ACVR1: variants seen among roughly 807,000 people sequenced by gnomAD.
ACVR1 encodes activin receptor type-1.
Under a neutral mutation model 57.1 loss-of-function variants are expected in ACVR1, and 38 were observed. The ratio of observed to expected loss-of-function variants is 0.67; its 90% CI spans 0.51 to 0.87. ACVR1 has a LOEUF of 0.87. Ranked by LOEUF, ACVR1 falls within the 40% of genes least tolerant of loss-of-function variation. The pLI is 0.00. For synonymous variants in ACVR1, 212 were observed against 228.1 expected (o/e 0.93, Z 0.63); for missense variants, 463 against 638.2 (o/e 0.73, Z 2.96).
chr2:157,800,808 T>C lies in ACVR1; in HGVS notation c.-7-1308A>G, dbSNP rs541523322. 2.0e-4 allele frequency among the ~76,000 whole-genome samples: 30 copies of C among 152,222 alleles called. 1 individual carries two copies. The South Asian group carries it at 4.8e-3, about 24-fold the overall frequency. ...TCATCTTGGCCCCTCACAACCAGAA[T>C]GTGACTCCTCCAACACATCTCTGTA... On this transcript the variant is annotated intron_variant, in intron 2 of 10. Transcript: ENST00000434821.
intron 1 of ACVR1, among the ~76,000 whole-genome samples, chr2:157,852,408 A>G (rs989087748): frequency 2.0e-5 from 3 of 151,722 alleles, no homozygotes; most frequent in African/African-American, 7.3e-5. Flanking sequence ...GATGTGGGAG[A>G]ACTGCTTGAA....
Position 157,824,596 on chromosome 2 carries a change from A to T in ACVR1, c.-182-6037T>A, listed in dbSNP as rs577382803. 7.4e-4 allele frequency among the ~76,000 whole-genome samples: 113 copies of T among 152,326 alleles called. 1 individual carries two copies. In the South Asian group the frequency reaches 0.022, roughly 30 times the overall value. On this transcript the variant is annotated intron_variant, in intron 1 of 10. Transcript: ENST00000434821. ...TTCCACTGGTGGTGACTTAGAAAAA[A>T]TCCAGACACCAAACAGGAAGGCTAC...
chr2:157,774,298 C>T (rs779701637), intron 5 of ACVR1, 111 bp from the exon 6 acceptor site: 14 of 815,422 alleles, frequency 1.7e-5, no homozygotes, highest in East Asian at 2.6e-5. Flanking sequence ...ATCCGGGACA[C>T]GTGGCCTGTT....
chr2:157,815,614 T>C (rs1687907858), intron 2 of ACVR1, among the ~76,000 whole-genome samples: 1 of 152,228 alleles, frequency 6.6e-6, no homozygotes, highest in South Asian at 2.1e-4. Flanking sequence ...AATAAACATA[T>C]ACACAAAATA....
chr2:157,742,194 A>G (rs1178554596), intron 9 of ACVR1, among the ~76,000 whole-genome samples: 1 of 152,238 alleles, frequency 6.6e-6, no homozygotes, highest in Non-Finnish European at 1.5e-5. Flanking sequence ...TAATCAGCGT[A>G]GCCAGGCAAA....
At chr2:157,744,387 G>A (rs191982620) in intron 9 of ACVR1, among the ~76,000 whole-genome samples, 75 of 152,318 alleles carry the variant, frequency 4.9e-4, no homozygotes, top group Admixed American at 1.4e-3. Context: ...GGTGTGGCAC[G>A]TGAGAAAATT....
rs149247460 is a variant in ACVR1, at chr2:157,858,586, C to T, written c.-183+17210G>A. On this transcript the variant is annotated intron_variant, in intron 1 of 10. Transcript: ENST00000434821. ...TTGAGGGTTCAAGAGATTCTCCTGC[C>T]TCGGCCTCCCAACTAGCTGGGATTA... Among the ~76,000 whole-genome samples, 392 of 152,204 alleles carry T rather than the reference C, an allele frequency of 2.6e-3. 2 individuals carry two copies. The highest frequency in any genetic ancestry group is 6.8e-3 in the Middle Eastern group (2 of 294).
At chr2:157,818,850 G>A (rs576410884) in intron 1 of ACVR1, among the ~76,000 whole-genome samples, 8 of 151,738 alleles carry the variant, frequency 5.3e-5, no homozygotes, top group East Asian at 1.9e-4. Context: ...AGGCCGAGGC[G>A]GGCGGATCAC....
At chr2:157,859,335 A>G (rs13025348) in intron 1 of ACVR1, among the ~76,000 whole-genome samples, 364 of 152,320 alleles carry the variant, frequency 2.4e-3, no homozygotes, top group Admixed American at 4.3e-3. Flanking sequence ...AAGTTATCCT[A>G]TATGGTCTAA....
intron 1 of ACVR1, among the ~76,000 whole-genome samples, chr2:157,870,270 T>TG (rs1690074294): frequency 1.3e-4 from 1 of 7,552 alleles, no homozygotes; most frequent in African/African-American, 1.4e-4. Context: ...TTCAAGGTTA[T>TG]ATTTTGGAGG....
chr2:157,758,426 G>A (rs1423563977), intron 9 of ACVR1, among the ~76,000 whole-genome samples: 1 of 151,888 alleles, frequency 6.6e-6, no homozygotes, highest in Non-Finnish European at 1.5e-5. Flanking sequence ...TGTTGTTCAC[G>A]TGTGGTTGAA....
chr2:157,825,071 T>C (rs1394871152), intron 1 of ACVR1, among the ~76,000 whole-genome samples: 1 of 152,180 alleles, frequency 6.6e-6, no homozygotes, highest in East Asian at 1.9e-4. Flanking sequence ...CTCTCTTCTT[T>C]ATTCCTGCTC....
intron 1 of ACVR1, among the ~76,000 whole-genome samples, chr2:157,870,383 C>T (rs1190675219): frequency 6.6e-6 from 1 of 152,150 alleles, no homozygotes; most frequent in East Asian, 1.9e-4. Flanking sequence ...TCTTGGCTTT[C>T]ATAGATGAGC....
intron 1 of ACVR1, among the ~76,000 whole-genome samples, chr2:157,852,430 G>C (rs894860317): frequency 6.6e-6 from 1 of 150,466 alleles, no homozygotes; most frequent in African/African-American, 2.5e-5. Context: ...TAGGGAGGTG[G>C]AGACTGCAGT....
chr2:157,765,919 A>C lies in ACVR1; in HGVS notation c.1066+2T>G. On this transcript the variant is annotated splice_donor_variant, in intron 8 of 10. Coordinates refer to ENST00000434821, the MANE Select transcript of ACVR1 (RefSeq NM_001111067.4). LOFTEE classifies it high-confidence loss of function. ...AGGAAAAAAATATTTTTAGAAATTT[A>C]CCCAAATCTGCTATGCAACACTGTC... 3 of 1,614,040 alleles carry C rather than the reference A, an allele frequency of 1.9e-6. No individual in the cohort carries two copies. Among genetic ancestry groups the C allele is most frequent in the African/African-American group, 1.3e-5 (1 of 75,054 alleles).
chr2:157,837,345 T>A (rs1238350624), intron 1 of ACVR1, among the ~76,000 whole-genome samples: 1 of 152,216 alleles, frequency 6.6e-6, no homozygotes, highest in Non-Finnish European at 1.5e-5. Context: ...AGGTCTCGTC[T>A]GAGCACAGCC....
At chr2:157,761,155 C>T (rs1685636502) in intron 8 of ACVR1, 78 bp from the exon 9 acceptor site, 1 of 1,476,718 alleles carries the variant, frequency 6.8e-7, no homozygotes, top group African/African-American at 1.4e-5. Flanking sequence ...TAAACCAACC[C>T]CAATCAAAAG....
At chr2:157,854,218 G>C (rs200398802) in intron 1 of ACVR1, among the ~76,000 whole-genome samples, 1 of 125,434 alleles carries the variant, frequency 8.0e-6, no homozygotes. Flanking sequence ...AAAAAAAAAA[G>C]AAGCATTTTT....
chr2:157,799,072 T>C (rs1001137220), intron 3 of ACVR1, among the ~76,000 whole-genome samples: 2 of 151,766 alleles, frequency 1.3e-5, no homozygotes, highest in Admixed American at 1.3e-4. Flanking sequence ...AATTTTTGCA[T>C]TTTTAGTAGA....
Sources: gnomAD v4.1 joint callset for allele counts (sites outside exome capture counted in the v4.1 genomes callset) on GRCh38, gnomAD v4.1.1 for gene constraint, MANE v1.5 for transcripts, NCBI Gene and HGNC (gene_info 2026-07-23, HGNC 2026-07-21) for gene names.